The following MYLIP variants were observed in gnomAD, a reference collection of about 807,000 sequenced individuals.
MYLIP encodes E3 ubiquitin-protein ligase MYLIP.
In MYLIP, 26 loss-of-function variants were observed where a neutral mutation model predicts 45.8. The ratio of observed to expected loss-of-function variants is 0.57; its 90% CI spans 0.42 to 0.79. The LOEUF (loss-of-function observed/expected upper bound fraction) is 0.79. MYLIP is among the 30% of genes least tolerant of loss of function. MYLIP has a pLI of 0.00. For synonymous variants in MYLIP, 213 were observed against 218.1 expected, an observed-to-expected ratio of 0.98 and a Z score of 0.21; for missense variants, 494 against 555.6, an observed-to-expected ratio of 0.89 and a Z score of 1.11.
the MYLIP span, among the ~76,000 whole-genome samples, chr6:16,153,446 C>A: frequency 2.0e-5 from 3 of 152,152 alleles, no homozygotes; most frequent in African/African-American, 7.2e-5. Context: ...TTTAACATGA[C>A]TGAGGAAACT....
chr6:16,151,126 G>T (rs1759873228), downstream of MYLIP, among the ~76,000 whole-genome samples: 1 of 151,984 alleles, frequency 6.6e-6, no homozygotes, highest in African/African-American at 2.4e-5. Context: ...GAGGCGGGTG[G>T]ATCACGAGGT....
chr6:16,139,702 G>A (rs956685560), intron 2 of MYLIP, among the ~76,000 whole-genome samples: 3 of 152,168 alleles, frequency 2.0e-5, no homozygotes, highest in Non-Finnish European at 4.4e-5. Context: ...TTTTCATGGT[G>A]ATTCCTTTGC....
At chr6:16,130,476 C>CAAAA in intron 1 of MYLIP, 81 bp from the exon 2 acceptor site, 1 of 1,385,598 alleles carries the variant, frequency 7.2e-7, no homozygotes, top group South Asian at 1.3e-5. Context: ...AAAGCACCAG[C>CAAAA]AATCTTAGCC....
Position 16,129,273 on chromosome 6 carries a change from C to A in MYLIP, c.-50C>A. On this transcript the variant is annotated 5_prime_UTR_variant, in exon 1 of 7. Coordinates refer to ENST00000356840, the MANE Select transcript of MYLIP (RefSeq NM_013262.4). The surrounding 1 kb of genome is among the most constrained non-coding windows in gnomAD (Gnocchi z 5.1). The stretch of plus-strand genomic sequence containing the variant: ...TCCCACCAGTGACAAGGCGGCAGCC[C>A]CGCGCACACCAAAGAGAAGGCGGCT... The A allele has an allele frequency of 1.3e-6, 2 of 1,538,640 alleles. No individual in the cohort carries two copies. Among genetic ancestry groups the A allele is most frequent in the Non-Finnish European group, 1.8e-6 (2 of 1,137,920 alleles).
rs1421362903 is a variant in MYLIP at position 16,145,033 on chromosome 6, G to T, written c.964G>T (p.Val322Leu). 1 of 1,614,104 alleles carries T rather than the reference G, an allele frequency of 6.2e-7. No homozygotes were observed. Among genetic ancestry groups the T allele is most frequent in the African/African-American group, 1.3e-5 (1 of 74,928 alleles). The change falls in exon 6 of 7, where the codon GTG (valine) becomes TTG (leucine). Residue 322 changes from valine to leucine, a missense_variant. Val to Leu is a conservative substitution (Grantham distance 32). Transcript: ENST00000356840. ...TGATATTAAAAGAACATCAAAGGAG[G>T]TGTATGACCATGCCAGGAGGGCTCT... ...VFDIKRTSKE[V>L]YDHARRALYN...
chr6:16,129,962 T>A lies in MYLIP; in HGVS notation c.87+553T>A, dbSNP rs1326113081. Among the ~76,000 whole-genome samples, 2 of 152,228 alleles carry A rather than the reference T, an allele frequency of 1.3e-5. No individual in the cohort carries two copies. Among genetic ancestry groups the A allele is most frequent in the African/African-American group, 2.4e-5 (1 of 41,464 alleles). ...GGAGGAATAGGTTTGGGTCATCTACTGCTCGGTTGTTTTTAAGCATGTGTT... is the reference window on the plus strand; with the variant it reads ...GGAGGAATAGGTTTGGGTCATCTACAGCTCGGTTGTTTTTAAGCATGTGTT... On this transcript the variant is annotated intron_variant, in intron 1 of 6. Coordinates refer to ENST00000356840, the MANE Select transcript of MYLIP (RefSeq NM_013262.4). This position sits in a 1 kb window ranked among gnomAD's most constrained non-coding sequence, Gnocchi z 5.1.
At position 16,131,180 on chromosome 6, in the gene MYLIP, G is replaced by A. The variant is rs377154869; in HGVS notation, c.278+433G>A. Among the ~76,000 whole-genome samples the A allele has an allele frequency of 3.2e-3, 491 of 152,218 alleles. 1 individual carries two copies. Among genetic ancestry groups the A allele is most frequent in the Middle Eastern group, 0.027 (8 of 294 alleles). Reference sequence around the variant, plus strand: ...AGAAAGCAGGAAACAGTTCCTCTTGGGTTACTTAAACTTGGTCAGTTTCTT... The same window carrying A: ...AGAAAGCAGGAAACAGTTCCTCTTGAGTTACTTAAACTTGGTCAGTTTCTT... On this transcript the variant is annotated intron_variant, in intron 2 of 6. Coordinates refer to ENST00000356840, the MANE Select transcript of MYLIP (RefSeq NM_013262.4).
intron 6 of MYLIP, 33 bp from the exon 7 acceptor site, chr6:16,146,629 T>G: frequency 1.3e-6 from 2 of 1,575,006 alleles, no homozygotes; most frequent in Non-Finnish European, 1.7e-6. Context: ...GAGGCTTGCA[T>G]GCTAACAGAG....
intron 2 of MYLIP, among the ~76,000 whole-genome samples, chr6:16,137,045 A>T (rs1759570888): frequency 6.6e-6 from 1 of 152,018 alleles, no homozygotes; most frequent in Admixed American, 6.6e-5. Flanking sequence ...TAATTTATCC[A>T]CTTTCTTCTT....
rs1759402979 is a variant in MYLIP at position 16,129,269 on chromosome 6, A to G, written c.-54A>G. ...TGGGTCCCACCAGTGACAAGGCGGC[A>G]GCCCCGCGCACACCAAAGAGAAGGC... On this transcript the variant is annotated 5_prime_UTR_variant, in exon 1 of 7. Coordinates refer to ENST00000356840, the MANE Select transcript of MYLIP (RefSeq NM_013262.4). The surrounding 1 kb of genome is among the most constrained non-coding windows in gnomAD (Gnocchi z 5.1). 2 of 1,531,828 alleles carry G rather than the reference A, an allele frequency of 1.3e-6. No individual in the cohort carries two copies. Among genetic ancestry groups the G allele is most frequent in the Non-Finnish European group, 1.8e-6 (2 of 1,132,260 alleles). The allele number at this position is 1,531,828 out of a possible 1,614,324, so 94.9% of individuals were successfully genotyped here. A position where few individuals can be genotyped will look rare whatever the true frequency, so the allele number is the denominator to read the frequency against.
At chr6:16,162,576 T>A in the MYLIP span, among the ~76,000 whole-genome samples, 6 of 152,076 alleles carry the variant, frequency 3.9e-5, no homozygotes, top group East Asian at 1.2e-3. Context: ...CAGCAGCAGA[T>A]TTAAGGAATG....
At position 16,129,468 on chromosome 6, in the gene MYLIP, A is replaced by G; in HGVS notation, c.87+59A>G. The G allele has an allele frequency of 6.8e-7, 1 of 1,478,752 alleles. No homozygotes were observed. The highest frequency in any genetic ancestry group is 9.2e-7 in the Non-Finnish European group (1 of 1,092,570). 91.6% of individuals were successfully genotyped at this position (1,478,752 alleles called of 1,614,324 possible). A position where few individuals can be genotyped will look rare whatever the true frequency, so the allele number is the denominator to read the frequency against. Reference sequence around the variant, plus strand: ...GTCCCGCGAGGCCGAGGGGCCTCGCAGCGACGCCTGGCACTCTGGCGCGCC... The same window carrying G: ...GTCCCGCGAGGCCGAGGGGCCTCGCGGCGACGCCTGGCACTCTGGCGCGCC... On this transcript the variant is annotated intron_variant, in intron 1 of 6. Transcript: ENST00000356840. This position sits in a 1 kb window ranked among gnomAD's most constrained non-coding sequence, Gnocchi z 5.1.
intron 3 of MYLIP, among the ~76,000 whole-genome samples, chr6:16,142,188 A>G (rs1004266518): frequency 1.3e-5 from 2 of 152,272 alleles, no homozygotes; most frequent in African/African-American, 4.8e-5. Flanking sequence ...TCTGTGGTAC[A>G]TACACATAAT....
the MYLIP span, among the ~76,000 whole-genome samples, chr6:16,156,267 A>G: frequency 6.6e-6 from 1 of 152,120 alleles, no homozygotes; most frequent in Non-Finnish European, 1.5e-5. Context: ...GAGCCACAGG[A>G]TTGGGCTTTT....
chr6:16,162,413 T>C, the MYLIP span, among the ~76,000 whole-genome samples: 1 of 152,166 alleles, frequency 6.6e-6, no homozygotes, highest in Non-Finnish European at 1.5e-5. Flanking sequence ...GAGTAAGAAA[T>C]GGCTTGACTT....
At chr6:16,145,878 A>G (rs950980388) in intron 6 of MYLIP, among the ~76,000 whole-genome samples, 9 of 152,224 alleles carry the variant, frequency 5.9e-5, no homozygotes, top group South Asian at 2.1e-4. Flanking sequence ...GAACTCACAT[A>G]TAGTTTTCTT....
intron 2 of MYLIP, among the ~76,000 whole-genome samples, chr6:16,140,924 A>C (rs1463388353): frequency 6.6e-6 from 1 of 152,258 alleles, no homozygotes; most frequent in Non-Finnish European, 1.5e-5. Context: ...CGCAGAGAAT[A>C]GTGTAAATTC....
chr6:16,143,970 C>T (rs185799393), intron 5 of MYLIP, 107 bp downstream of exon 5: 3 of 1,265,408 alleles, frequency 2.4e-6, no homozygotes, highest in Middle Eastern at 2.8e-4. Context: ...GAGTCTAGTA[C>T]AGAATTTAAG....
At chr6:16,158,673 T>G in the MYLIP span, among the ~76,000 whole-genome samples, 2 of 152,170 alleles carry the variant, frequency 1.3e-5, no homozygotes, top group South Asian at 2.1e-4. Flanking sequence ...AAAATAGGAA[T>G]AAAGATAATA....
Sources: gnomAD v4.1 joint callset for allele counts (sites outside exome capture counted in the v4.1 genomes callset) on GRCh38, gnomAD v4.1.1 for gene constraint, Gnocchi (gnomAD v3.1) non-coding constraint, MANE v1.5 for transcripts, NCBI Gene and HGNC (gene_info 2026-07-23, HGNC 2026-07-21) for gene names.